Variants in PAN3 observed in about 807,000 individuals in gnomAD.
The protein encoded by PAN3 is poly(A) specific ribonuclease subunit PAN3.
Under a neutral mutation model 96.2 loss-of-function variants are expected in PAN3, and 19 were observed. The observed-to-expected ratio is 0.20, with a 90% CI of 0.14 to 0.29. PAN3 has a LOEUF of 0.29. PAN3 is among the 10% of genes least tolerant of loss of function. PAN3 has a pLI of 1.00. For synonymous variants in PAN3, 433 were observed against 406.6 expected (o/e 1.06, Z -0.78); for missense variants, 882 against 1,108.1 (o/e 0.80, Z 2.90).
intron 5 of PAN3, chr13:28,215,956 G>A: frequency 3.0e-6 from 3 of 988,008 alleles, no homozygotes; most frequent in East Asian, 2.4e-5. Flanking sequence ...ATGGTCTCAG[G>A]ACTGTTAGTT....
intron 6 of PAN3, among the ~76,000 whole-genome samples, chr13:28,231,675 T>C (rs989086046): frequency 6.6e-6 from 1 of 152,168 alleles, no homozygotes; most frequent in Admixed American, 6.5e-5. Context: ...ACATGGCCTC[T>C]ATTAAAGGTG....
At chr13:28,252,002 C>G (rs1884772893) in intron 6 of PAN3, among the ~76,000 whole-genome samples, 1 of 151,838 alleles carries the variant, frequency 6.6e-6, no homozygotes, top group Non-Finnish European at 1.5e-5. Context: ...ATTCTCCTGC[C>G]TCAGCCTCCT....
At chr13:28,154,350 A>G (rs1871801252) in intron 1 of PAN3, among the ~76,000 whole-genome samples, 1 of 151,844 alleles carries the variant, frequency 6.6e-6, no homozygotes, top group African/African-American at 2.4e-5. Flanking sequence ...TCGTTAAGCC[A>G]CTTGATTCAT....
chr13:28,291,943 T>C (rs1157574862), intron 18 of PAN3, among the ~76,000 whole-genome samples: 2 of 152,174 alleles, frequency 1.3e-5, no homozygotes, highest in African/African-American at 2.4e-5. Flanking sequence ...TTTTTGTGTT[T>C]TTTTAAAATT....
At chr13:28,164,385 A>G (rs1440452507) in intron 1 of PAN3, among the ~76,000 whole-genome samples, 1 of 152,258 alleles carries the variant, frequency 6.6e-6, no homozygotes, top group Non-Finnish European at 1.5e-5. Flanking sequence ...TATTAGCATG[A>G]TAGTTGAGAA....
intron 4 of PAN3, among the ~76,000 whole-genome samples, chr13:28,196,720 A>G (rs1379836320): frequency 6.6e-6 from 1 of 152,200 alleles, no homozygotes; most frequent in Non-Finnish European, 1.5e-5. Context: ...AGTTCTCAGT[A>G]GGAAATAAAG....
intron 7 of PAN3, among the ~76,000 whole-genome samples, chr13:28,256,825 G>A (rs1253545338): frequency 6.6e-6 from 1 of 152,066 alleles, no homozygotes; most frequent in East Asian, 1.9e-4. Flanking sequence ...GGTTTACCTT[G>A]TACTAGCTGG....
chr13:28,146,977 G>T (rs1238681493), intron 1 of PAN3, among the ~76,000 whole-genome samples: 1 of 150,950 alleles, frequency 6.6e-6, no homozygotes, highest in Non-Finnish European at 1.5e-5. Flanking sequence ...GCAAGACTCC[G>T]TCTCAAAAAA....
intron 5 of PAN3, among the ~76,000 whole-genome samples, chr13:28,212,057 C>T (rs114044506): frequency 1.3e-5 from 2 of 152,306 alleles, no homozygotes; most frequent in African/African-American, 4.8e-5. Flanking sequence ...ACCAAGGGAT[C>T]CCTCTTGAAT....
intron 1 of PAN3, among the ~76,000 whole-genome samples, chr13:28,160,217 C>T (rs1872727421): frequency 6.6e-6 from 1 of 152,170 alleles, no homozygotes; most frequent in African/African-American, 2.4e-5. Context: ...GTTGGGATTA[C>T]AGGCATGAGC....
At chr13:28,248,636 C>T (rs1284888764) in intron 6 of PAN3, among the ~76,000 whole-genome samples, 1 of 152,108 alleles carries the variant, frequency 6.6e-6, no homozygotes, top group East Asian at 1.9e-4. Flanking sequence ...GCAGTCCTCC[C>T]ACCTCAGCCT....
At chr13:28,253,492 G>C (rs1246484887) in intron 6 of PAN3, among the ~76,000 whole-genome samples, 1 of 151,960 alleles carries the variant, frequency 6.6e-6, no homozygotes, top group Non-Finnish European at 1.5e-5. Flanking sequence ...CAGTAATTTA[G>C]TTTTTAATTT....
intron 18 of PAN3, among the ~76,000 whole-genome samples, chr13:28,290,480 G>A: frequency 6.6e-6 from 1 of 152,118 alleles, no homozygotes; most frequent in Non-Finnish European, 1.5e-5. Flanking sequence ...TCGGGAGTTT[G>A]AGACCAGCCT....
intron 6 of PAN3, among the ~76,000 whole-genome samples, chr13:28,222,577 T>C (rs1426201837): frequency 6.6e-6 from 1 of 152,182 alleles, no homozygotes; most frequent in African/African-American, 2.4e-5. Flanking sequence ...TTTAACACTC[T>C]GGAGATGAGC....
intron 4 of PAN3, among the ~76,000 whole-genome samples, chr13:28,188,583 A>G: frequency 6.6e-6 from 1 of 152,034 alleles, no homozygotes; most frequent in East Asian, 1.9e-4. Flanking sequence ...CCTGGGCAAC[A>G]GAAGACTGTC....
At chr13:28,243,071 G>A (rs979551938) in intron 6 of PAN3, among the ~76,000 whole-genome samples, 1 of 152,196 alleles carries the variant, frequency 6.6e-6, no homozygotes, top group Admixed American at 6.5e-5. Flanking sequence ...GTATTTGGAT[G>A]ATGGCAAACA....
chr13:28,262,965 G>T (rs1179534877), intron 9 of PAN3, among the ~76,000 whole-genome samples: 1 of 152,154 alleles, frequency 6.6e-6, no homozygotes, highest in Non-Finnish European at 1.5e-5. Flanking sequence ...TAGGAAGACA[G>T]AACAAGTAAG....
At chr13:28,139,514 T>TGTGTG (rs1869353072) in intron 1 of PAN3, among the ~76,000 whole-genome samples, 23 of 93,132 alleles carry the variant, frequency 2.5e-4, no homozygotes, top group African/African-American at 5.2e-4. Flanking sequence ...AGGGGTGTGT[T>TGTGTG]TGTGTGTGTG....
intron 9 of PAN3, among the ~76,000 whole-genome samples, chr13:28,266,328 A>T (rs1372850384): frequency 6.6e-6 from 1 of 152,188 alleles, no homozygotes; most frequent in Non-Finnish European, 1.5e-5. Context: ...GGAAAACATG[A>T]TGGTATTTGA....
Sources: gnomAD v4.1 joint callset for allele counts (sites outside exome capture counted in the v4.1 genomes callset) on GRCh38, gnomAD v4.1.1 for gene constraint, MANE v1.5 for transcripts, NCBI Gene and HGNC (gene_info 2026-07-23, HGNC 2026-07-21) for gene names.